CNKSR2: variants seen among roughly 807,000 people sequenced by gnomAD.
CNKSR2 encodes the protein CNK homolog protein 2.
In CNKSR2, 14 loss-of-function variants were observed where a neutral mutation model predicts 84.4. The ratio of observed to expected loss-of-function variants is 0.17; its 90% confidence interval spans 0.11 to 0.26. CNKSR2 has a LOEUF of 0.26. Ranked by LOEUF, CNKSR2 falls within the 10% of genes least tolerant of loss-of-function variation. The pLI, the probability that CNKSR2 is intolerant of heterozygous loss-of-function variation, is 1.00. For missense variants in CNKSR2, 485 were observed against 771.2 expected (o/e 0.63, Z 4.40); for synonymous variants, 275 against 277.9 (o/e 0.99, Z 0.10).
At chrX:21,566,004 A>T (rs1004297105) in intron 13 of CNKSR2, among the ~76,000 whole-genome samples, 6 of 111,289 alleles carry the variant, frequency 5.4e-5, no homozygotes, top group Non-Finnish European at 9.4e-5. Flanking sequence ...CAAATCACCT[A>T]CTCCAGGGGT....
intron 1 of CNKSR2, among the ~76,000 whole-genome samples, chrX:21,413,296 A>G (rs924066886): frequency 9.0e-6 from 1 of 111,117 alleles, no homozygotes; most frequent in African/African-American, 3.3e-5. Context: ...TGTGTATACA[A>G]CATTTAAAAA....
chrX:21,495,909 G>A lies in CNKSR2; in HGVS notation c.682-1878G>A, dbSNP rs755898879. Reference sequence around the variant, plus strand: ...TTCCATTCCGAGAAATGCATCCTTAGGTAATTTCATCATTATGTGAACACC... The same window carrying A: ...TTCCATTCCGAGAAATGCATCCTTAAGTAATTTCATCATTATGTGAACACC... On this transcript the variant is annotated intron_variant, in intron 6 of 21. Coordinates refer to ENST00000379510, the MANE Select transcript of CNKSR2 (RefSeq NM_014927.5). Among the ~76,000 whole-genome samples the A allele has an allele frequency of 2.9e-5, 3 of 103,251 alleles. No homozygotes were observed. The South Asian group carries it at 1.4e-3, about 49-fold the overall frequency. 89.7% of individuals were successfully genotyped at this position (103,251 alleles called of 115,157 possible). A position where few individuals can be genotyped will look rare whatever the true frequency, so the allele number is the denominator to read the frequency against.
intron 7 of CNKSR2, among the ~76,000 whole-genome samples, chrX:21,499,204 T>C (rs2091533919): frequency 8.9e-6 from 1 of 112,228 alleles, no homozygotes; most frequent in Non-Finnish European, 1.9e-5. Context: ...CATTCTGATT[T>C]ATTTATTCAT....
rs909413107 is a variant in CNKSR2 at position 21,445,053 on chromosome X, A to G, written c.519+4272A>G. Among the ~76,000 whole-genome samples the G allele has an allele frequency of 4.5e-5, 5 of 111,381 alleles. No individual in the cohort carries two copies. The East Asian group carries it at 1.1e-3, about 25-fold the overall frequency. On this transcript the variant is annotated intron_variant, in intron 4 of 21. Transcript: ENST00000379510. ...TTGAAAGCATATGAAAAGCCTGTCC[A>G]GAATGGTCTCACAGACATTTAAAAC... is the stretch of plus-strand genomic sequence containing the variant.
At chrX:21,397,527 A>G (rs1306688384) in intron 1 of CNKSR2, among the ~76,000 whole-genome samples, 1 of 111,138 alleles carries the variant, frequency 9.0e-6, no homozygotes, top group Non-Finnish European at 1.9e-5. Context: ...GTGGGAGCTA[A>G]AAAAATTGAA....
chrX:21,388,044 C>T (rs953999054), intron 1 of CNKSR2, among the ~76,000 whole-genome samples: 16 of 110,093 alleles, frequency 1.5e-4, no homozygotes, highest in Non-Finnish European at 3.0e-4. Context: ...GGACTACAGG[C>T]GCCCGCCATC....
intron 8 of CNKSR2, among the ~76,000 whole-genome samples, chrX:21,516,098 G>A (rs377722863): frequency 1.3e-4 from 14 of 111,377 alleles, no homozygotes; most frequent in African/African-American, 4.2e-4. Context: ...GTAAGCTCAG[G>A]ACATTGCCAA....
chrX:21,406,278 C>T (rs895166137), intron 1 of CNKSR2, among the ~76,000 whole-genome samples: 1 of 111,115 alleles, frequency 9.0e-6, no homozygotes, highest in Admixed American at 9.6e-5. Flanking sequence ...CTGAAACCAT[C>T]CCCCCATTGC....
At chrX:21,606,978 T>TA (rs1281078637) in intron 19 of CNKSR2, 99 bp downstream of exon 19, 26 of 434,690 alleles carry the variant, frequency 6.0e-5, no homozygotes, top group Non-Finnish European at 8.7e-5. Context: ...ATATCAAATT[T>TA]AAGGTTTCTC....
intron 5 of CNKSR2, among the ~76,000 whole-genome samples, chrX:21,479,077 A>C (rs1236159313): frequency 1.8e-5 from 2 of 111,463 alleles, no homozygotes; most frequent in Admixed American, 1.9e-4. Flanking sequence ...CACTCTTCTA[A>C]GTCCCCAGTG....
At chrX:21,558,308 C>G (rs1443889419) in intron 11 of CNKSR2, among the ~76,000 whole-genome samples, 1 of 111,119 alleles carries the variant, frequency 9.0e-6, no homozygotes, top group Non-Finnish European at 1.9e-5. Context: ...TTCAGTATTT[C>G]AGCACAATTA....
At position 21,595,357 on chromosome X, in the gene CNKSR2, C is replaced by T; in HGVS notation, c.1938C>T (p.Ser646=). 8.4e-7 allele frequency: 1 copy of T among 1,194,956 alleles called. No individual in the cohort carries two copies. The highest frequency in any genetic ancestry group is 1.1e-6 in the Non-Finnish European group (1 of 881,839). Residue 646 remains serine, a synonymous_variant, in exon 17 of 22, where the codon AGC becomes AGT. Coordinates refer to ENST00000379510, the MANE Select transcript of CNKSR2 (RefSeq NM_014927.5). The part of the protein sequence containing the change: ...AFKACHPKIK[S]FYFAAEHLDD... ...AAGCCTGTCATCCTAAAATCAAAAG[C>T]TTTTATTTTGCTGCTGAACATCTTG...
At chrX:21,503,592 A>G (rs748478093) in intron 8 of CNKSR2, 3 of 179,782 alleles carry the variant, frequency 1.7e-5, no homozygotes, top group Non-Finnish European at 3.1e-5. Context: ...ACTCCCTCCC[A>G]AAACTCAAAA....
chrX:21,532,041 G>A lies in CNKSR2; in HGVS notation c.1277G>A (p.Gly426Glu). The change falls in exon 11 of 22, where the codon GGA (glycine) becomes GAA (glutamate). Residue 426 changes from glycine (G) to glutamate (E), a missense_variant. By Grantham distance (98) the Gly-to-Glu change is moderately conservative. Coordinates refer to ENST00000379510, the MANE Select transcript of CNKSR2 (RefSeq NM_014927.5). ...GAAAAAGGAAGATCAAGTAGTCAAG[G>A]AAGACGAGAAAGCACCCCAACTTAT... The part of the protein sequence containing the change: ...EYEKGRSSSQ[G>E]RRESTPTYGK... The A allele has an allele frequency of 8.3e-7, 1 of 1,198,267 alleles. No individual in the cohort carries two copies. Among genetic ancestry groups the A allele is most frequent in the Non-Finnish European group, 1.1e-6 (1 of 885,576 alleles).
In CNKSR2 at chrX:21,534,734, T is replaced by C. The variant is rs181849774; in HGVS notation, c.1303+2667T>C. Among the ~76,000 whole-genome samples, 167 of 111,607 alleles carry C rather than the reference T, an allele frequency of 1.5e-3. 1 individual carries two copies. The highest frequency in any genetic ancestry group is 4.6e-3 in the African/African-American group (141 of 30,874). ...AGCAGTTGGTCATTTGTGTGTCTGCTTTCACGCAATGTCTATTCAGATCAT... is the reference window on the plus strand; with the variant it reads ...AGCAGTTGGTCATTTGTGTGTCTGCCTTCACGCAATGTCTATTCAGATCAT... On this transcript the variant is annotated intron_variant, in intron 11 of 21. Transcript: ENST00000379510.
At chrX:21,520,327 A>G (rs1024439260) in intron 9 of CNKSR2, among the ~76,000 whole-genome samples, 1 of 111,220 alleles carries the variant, frequency 9.0e-6, no homozygotes, top group Non-Finnish European at 1.9e-5. Context: ...GAGATGTCTC[A>G]TCTGAGATAG....
intron 4 of CNKSR2, among the ~76,000 whole-genome samples, chrX:21,457,170 G>C (rs773338243): frequency 3.9e-4 from 43 of 111,400 alleles, no homozygotes; most frequent in African/African-American, 1.4e-3. Context: ...TCTGTAGGTT[G>C]CCTTTTCATT....
intron 11 of CNKSR2, among the ~76,000 whole-genome samples, chrX:21,535,879 T>G (rs1202018106): frequency 1.8e-5 from 2 of 111,592 alleles, no homozygotes; most frequent in Non-Finnish European, 3.8e-5. Context: ...ATCTAATTTC[T>G]CTGGTTAGCA....
intron 1 of CNKSR2, among the ~76,000 whole-genome samples, chrX:21,381,840 G>C (rs529123407): frequency 1.8e-5 from 2 of 111,486 alleles, no homozygotes; most frequent in South Asian, 7.5e-4. Flanking sequence ...ATCCACCTTA[G>C]GAAAGCCTTT....
Sources: allele counts gnomAD v4.1 joint callset (sites outside exome capture counted in the v4.1 genomes callset), GRCh38; gene constraint gnomAD v4.1.1; transcripts MANE v1.5; gene names NCBI Gene and HGNC (gene_info 2026-07-23, HGNC 2026-07-21).